The following KTN1 variants were observed in gnomAD, a reference collection of about 807,000 sequenced individuals.
KTN1 encodes kinectin.
A neutral mutation model predicts 222.5 loss-of-function variants in KTN1; 130 were observed. The observed-to-expected ratio is 0.58, with a 90% confidence interval of 0.51 to 0.68. The LOEUF is 0.68. KTN1 is among the 30% of genes least tolerant of loss of function. The pLI, the probability that KTN1 is intolerant of heterozygous loss-of-function variation, is 0.00. For missense variants in KTN1, 1,508 were observed against 1,500.4 expected (o/e 1.01, Z -0.08); for synonymous variants, 512 against 496.3 (o/e 1.03, Z -0.42).
At chr14:55,650,040 A>C (rs1414682930) in intron 22 of KTN1, among the ~76,000 whole-genome samples, 2 of 151,698 alleles carry the variant, frequency 1.3e-5, no homozygotes, top group Non-Finnish European at 2.9e-5. Context: ...GATGGGAGTC[A>C]GTATAGTTGA....
chr14:55,651,881 G>T lies in KTN1; in HGVS notation c.2566-9G>T, dbSNP rs2042962063. ...TTATTAATTGATTTTTCTGTCCTTTGTATTTCAGTTATCTATCACTTCCAA... is the reference window on the plus strand; with the variant it reads ...TTATTAATTGATTTTTCTGTCCTTTTTATTTCAGTTATCTATCACTTCCAA... On this transcript the variant is annotated splice_polypyrimidine_tract_variant and intron_variant, in intron 24 of 43. Coordinates refer to ENST00000395314, the MANE Select transcript of KTN1 (RefSeq NM_001079521.2). 6.5e-7 allele frequency: 1 copy of T among 1,541,016 alleles called. No homozygotes were observed. Among genetic ancestry groups the T allele is most frequent in the Non-Finnish European group, 8.9e-7 (1 of 1,120,504 alleles).
chr14:55,636,417 A>G (rs370070670), intron 9 of KTN1, 32 bp from the exon 10 acceptor site: 132 of 1,509,234 alleles, frequency 8.7e-5, no homozygotes, highest in Non-Finnish European at 1.2e-4. Context: ...TGTTTGTGCT[A>G]ATTTATCCTT....
At chr14:55,636,421 T>C (rs759801050) in intron 9 of KTN1, 28 bp from the exon 10 acceptor site, 1 of 1,538,166 alleles carries the variant, frequency 6.5e-7, no homozygotes, top group Admixed American at 1.8e-5. Context: ...TGTGCTAATT[T>C]ATCCTTTCTC....
intron 1 of KTN1, among the ~76,000 whole-genome samples, chr14:55,592,114 A>G (rs934319784): frequency 6.6e-6 from 1 of 152,196 alleles, no homozygotes; most frequent in Non-Finnish European, 1.5e-5. Flanking sequence ...ATTTTAATGT[A>G]GTTGAATTTA....
intron 28 of KTN1, 86 bp from the exon 29 acceptor site, chr14:55,655,956 C>T: frequency 1.0e-5 from 7 of 674,152 alleles, no homozygotes; most frequent in South Asian, 4.4e-5. Context: ...TTGTTTCTGC[C>T]ATCTTTTTTC....
chr14:55,667,226 C>CA lies in KTN1; in HGVS notation c.3178-14dup, dbSNP rs767217038. 24 of 1,502,762 alleles carry CA rather than the reference C, an allele frequency of 1.6e-5. No individual in the cohort carries two copies. Among genetic ancestry groups the CA allele is most frequent in the Non-Finnish European group, 2.0e-5 (22 of 1,095,228 alleles). 93.1% of individuals were successfully genotyped at this position (1,502,762 alleles called of 1,614,324 possible). A position where few individuals can be genotyped will look rare whatever the true frequency, so the allele number is the denominator to read the frequency against. ...GTGATCTTGTAAGTTTGATTTGGCT[C>CA]ATCTTCTGCTTTAGGAAAGGCAGCA... On this transcript the variant is annotated splice_polypyrimidine_tract_variant and intron_variant, in intron 33 of 43. Coordinates refer to ENST00000395314, the MANE Select transcript of KTN1 (RefSeq NM_001079521.2).
intron 1 of KTN1, among the ~76,000 whole-genome samples, chr14:55,599,663 G>A (rs1360911179): frequency 1.3e-5 from 2 of 152,208 alleles, no homozygotes; most frequent in East Asian, 3.9e-4. Context: ...TTTTAGTAGA[G>A]ACGGGGTTTC....
chr14:55,628,010 G>C lies in KTN1; in HGVS notation c.1062G>C (p.Arg354=), dbSNP rs764350311. 1 of 1,610,966 alleles carries C rather than the reference G, an allele frequency of 6.2e-7. No homozygotes were observed. The highest frequency in any genetic ancestry group is 8.5e-7 in the Non-Finnish European group (1 of 1,177,216). Reference sequence around the variant, plus strand: ...AAGATGCTGCTGCTACAAAGGATCGGTGTAAGCAGTTAACCCAGGTGAAGA... The same window carrying C: ...AAGATGCTGCTGCTACAAAGGATCGCTGTAAGCAGTTAACCCAGGTGAAGA... ...VKEDAAATKD[R]CKQLTQEMMT... Residue 354 remains arginine (R), a synonymous_variant, in exon 6 of 44, where the codon CGG becomes CGC. Coordinates refer to ENST00000395314, the MANE Select transcript of KTN1 (RefSeq NM_001079521.2).
In KTN1 at chr14:55,629,977, A is replaced by G; in HGVS notation, c.1101A>G (p.Glu367=). 6.3e-7 allele frequency: 1 copy of G among 1,598,536 alleles called. No individual in the cohort carries two copies. Among genetic ancestry groups the G allele is most frequent in the Non-Finnish European group, 8.6e-7 (1 of 1,166,988 alleles). ...TTTAGGAAATGATGACAGAGAAAGAAAGAAGCAATGTGGTTATAACAAGGA... is the reference window on the plus strand; with the variant it reads ...TTTAGGAAATGATGACAGAGAAAGAGAGAAGCAATGTGGTTATAACAAGGA... ...QLTQEMMTEK[E]RSNVVITRMK... Residue 367 remains glutamate (E), a synonymous_variant, in exon 7 of 44, where the codon GAA becomes GAG. Transcript: ENST00000395314.
intron 41 of KTN1, among the ~76,000 whole-genome samples, chr14:55,677,473 T>TAAA (rs72424779): frequency 1.5e-4 from 15 of 98,358 alleles, no homozygotes; most frequent in African/African-American, 5.9e-4. Flanking sequence ...AAAGACTGTC[T>TAAA]AAAAAAAAAA....
chr14:55,591,199 A>G (rs1216549201), intron 1 of KTN1, among the ~76,000 whole-genome samples: 1 of 152,206 alleles, frequency 6.6e-6, no homozygotes, highest in African/African-American at 2.4e-5. Context: ...TCACAATAAG[A>G]AACACATTTT....
At chr14:55,634,481 A>G (rs375858951) in intron 8 of KTN1, 45 bp from the exon 9 acceptor site, 3 of 1,524,492 alleles carry the variant, frequency 2.0e-6, no homozygotes, top group Non-Finnish European at 2.6e-6. Flanking sequence ...TTTCTTATAT[A>G]TATTTGTAAT....
At chr14:55,587,753 T>C (rs2033317878) in intron 1 of KTN1, among the ~76,000 whole-genome samples, 1 of 152,220 alleles carries the variant, frequency 6.6e-6, no homozygotes, top group African/African-American at 2.4e-5. Context: ...GTGCTCTTAT[T>C]TCTGGGTACA....
At chr14:55,670,511 A>T (rs1301890580) in intron 34 of KTN1, among the ~76,000 whole-genome samples, 1 of 152,064 alleles carries the variant, frequency 6.6e-6, no homozygotes, top group Non-Finnish European at 1.5e-5. Flanking sequence ...TTTTGATGGT[A>T]GGTACATAGG....
At chr14:55,582,309 T>C (rs1488502456) in intron 1 of KTN1, among the ~76,000 whole-genome samples, 2 of 152,210 alleles carry the variant, frequency 1.3e-5, no homozygotes, top group East Asian at 3.8e-4. Flanking sequence ...CTCACTTCAG[T>C]CTCCCTTCTA....
chr14:55,581,206 G>A (rs1297353697), intron 1 of KTN1, among the ~76,000 whole-genome samples: 2 of 152,186 alleles, frequency 1.3e-5, no homozygotes, highest in African/African-American at 4.8e-5. Flanking sequence ...GCATGCTGGC[G>A]GTGAAGGCGC....
At chr14:55,634,446 A>G (rs1384460863) in intron 8 of KTN1, 80 bp from the exon 9 acceptor site, 1 of 1,350,000 alleles carries the variant, frequency 7.4e-7, no homozygotes, top group Non-Finnish European at 9.9e-7. Context: ...CAGCTCAGCA[A>G]AACTAACAAA....
chr14:55,634,864 C>T (rs1016514892), intron 9 of KTN1, among the ~76,000 whole-genome samples: 9 of 151,962 alleles, frequency 5.9e-5, no homozygotes, highest in African/African-American at 1.7e-4. Flanking sequence ...ATCTTCTTCA[C>T]GAAGCAGCAG....
At chr14:55,675,130 G>T (rs2045782784) in intron 40 of KTN1, 1 of 152,168 alleles carries the variant, frequency 6.6e-6, no homozygotes, top group African/African-American at 2.4e-5. Flanking sequence ...TGGGTGGGAA[G>T]CAAAAACAAT....
Sources: gnomAD v4.1 joint callset for allele counts (sites outside exome capture counted in the v4.1 genomes callset) on GRCh38, gnomAD v4.1.1 for gene constraint, MANE v1.5 for transcripts, NCBI Gene and HGNC (gene_info 2026-07-23, HGNC 2026-07-21) for gene names.